Variants in CHLSN observed in about 807,000 individuals in gnomAD.
The protein encoded by CHLSN is cholesin, also known as protein cholesin.
At chr7:984,273 G>A in the CHLSN span, 1 of 1,156,302 alleles carries the variant, frequency 8.6e-7, no homozygotes, top group African/African-American at 1.6e-5. Context: ...CTGGCTTTAT[G>A]GCATCTAGGC....
the CHLSN span, chr7:1,058,295 C>T: frequency 1.3e-6 from 1 of 774,440 alleles, no homozygotes; most frequent in Admixed American, 1.7e-5. Flanking sequence ...CGGTCATCAT[C>T]TCGCGAGGGA....
At chr7:1,135,586 G>C in the CHLSN span, among the ~76,000 whole-genome samples, 1 of 151,364 alleles carries the variant, frequency 6.6e-6, no homozygotes, top group Non-Finnish European at 1.5e-5. Flanking sequence ...GGCTAACATG[G>C]TGAAACCCCA....
the CHLSN span, among the ~76,000 whole-genome samples, chr7:1,083,383 G>T: frequency 0.07 from 10,705 of 152,190 alleles, 1,204 homozygotes; most frequent in African/African-American, 0.24. Flanking sequence ...CCAGCACTTT[G>T]GGAGGGTGAG....
the CHLSN span, chr7:1,055,183 G>A: frequency 0.068 from 31,814 of 465,996 alleles, 1,285 homozygotes; most frequent in Admixed American, 0.12. Flanking sequence ...GTCCAAGCAC[G>A]GCCCCTCGTT....
At chr7:1,120,181 C>T in the CHLSN span, among the ~76,000 whole-genome samples, 3 of 152,244 alleles carry the variant, frequency 2.0e-5, no homozygotes, top group Admixed American at 1.3e-4. Flanking sequence ...TTTTTTAAAA[C>T]CACATACTCA....
At chr7:1,050,579 G>A in the CHLSN span, among the ~76,000 whole-genome samples, 1 of 152,248 alleles carries the variant, frequency 6.6e-6, no homozygotes, top group Non-Finnish European at 1.5e-5. Context: ...CTGCACCCTG[G>A]TGCAGGCGGA....
chr7:1,041,619 T>C, the CHLSN span, among the ~76,000 whole-genome samples: 1 of 152,174 alleles, frequency 6.6e-6, no homozygotes, highest in African/African-American at 2.4e-5. Flanking sequence ...GGGTGCGCCT[T>C]ATAATCAACA....
the CHLSN span, chr7:1,091,483 A>AGTACTGTGTAGAT: frequency 4.2e-6 from 2 of 480,562 alleles, no homozygotes; most frequent in African/African-American, 1.9e-5. Flanking sequence ...CCGGACGAGC[A>AGTACTGTGTAGAT]CGCGGAGGGC....
At chr7:1,069,365 C>T in the CHLSN span, among the ~76,000 whole-genome samples, 1 of 147,972 alleles carries the variant, frequency 6.8e-6, no homozygotes, top group South Asian at 2.2e-4. Flanking sequence ...CTCCCCTCTC[C>T]CCTCTCCCCT....
the CHLSN span, among the ~76,000 whole-genome samples, chr7:981,203 G>T: frequency 2.6e-5 from 4 of 151,760 alleles, no homozygotes; most frequent in African/African-American, 7.3e-5. Flanking sequence ...GGCTGAGGCA[G>T]GAGGATCACT....
chr7:1,061,376 C>T, the CHLSN span, among the ~76,000 whole-genome samples: 1 of 152,060 alleles, frequency 6.6e-6, no homozygotes, highest in Non-Finnish European at 1.5e-5. Context: ...ACCTGAGACA[C>T]TTCACTGTGC....
At chr7:984,398 G>T in the CHLSN span, 1 of 1,544,944 alleles carries the variant, frequency 6.5e-7, no homozygotes. Context: ...GGTGACCCCC[G>T]CCATCCCTGC....
chr7:995,145 G>A, the CHLSN span, among the ~76,000 whole-genome samples: 21 of 152,258 alleles, frequency 1.4e-4, no homozygotes, highest in African/African-American at 4.8e-4. Context: ...CCCAGCACAT[G>A]TGGCCCGACG....
the CHLSN span, among the ~76,000 whole-genome samples, chr7:1,109,655 GC>G: frequency 6.6e-6 from 1 of 151,792 alleles, no homozygotes; most frequent in Non-Finnish European, 1.5e-5. Context: ...AGCCTTTCCC[GC>G]CCGCCGGGCC....
chr7:1,028,536 C>A, the CHLSN span: 1 of 984,972 alleles, frequency 1.0e-6, no homozygotes, highest in Admixed American at 6.1e-5. Context: ...ACTGCTCCTC[C>A]GACGAGGCTC....
the CHLSN span, chr7:1,010,241 G>A: frequency 1.8e-6 from 2 of 1,119,778 alleles, no homozygotes; most frequent in South Asian, 1.6e-5. Context: ...CCTCAGTAGT[G>A]GCCAAAAGCT....
chr7:1,109,469 C>T, the CHLSN span: 3 of 152,236 alleles, frequency 2.0e-5, no homozygotes, highest in African/African-American at 7.2e-5. Flanking sequence ...TTCCTAAAAG[C>T]ATATAAAAAA....
At chr7:1,096,032 G>C in the CHLSN span, among the ~76,000 whole-genome samples, 2 of 152,190 alleles carry the variant, frequency 1.3e-5, no homozygotes, top group African/African-American at 4.8e-5. The surrounding 1 kb of genome is among the most constrained non-coding windows in gnomAD (Gnocchi z 4.6). Context: ...TCAGGGACGG[G>C]ACTCAACTCA....
At chr7:1,015,743 G>A in the CHLSN span, among the ~76,000 whole-genome samples, 2 of 152,176 alleles carry the variant, frequency 1.3e-5, no homozygotes, top group African/African-American at 4.8e-5. Flanking sequence ...CTAATGCCCA[G>A]CCCTCGTGGA....
Sources: gnomAD v4.1 joint callset for allele counts (sites outside exome capture counted in the v4.1 genomes callset) on GRCh38, gnomAD v4.1.1 for gene constraint, Gnocchi (gnomAD v3.1) non-coding constraint, MANE v1.5 for transcripts, NCBI Gene and HGNC (gene_info 2026-07-23, HGNC 2026-07-21) for gene names.